DOCK10: variants seen among roughly 807,000 people sequenced by gnomAD.
The protein encoded by DOCK10 is dedicator of cytokinesis protein 10.
DOCK10 carries 145 observed loss-of-function variants against 280.1 expected under a neutral mutation model. The observed-to-expected ratio is 0.52, with a 90% CI of 0.45 to 0.59. The LOEUF is 0.59. Among genes scored for constraint, DOCK10 ranks in the 20% least tolerant of loss-of-function variants. DOCK10 has a pLI of 0.00. For synonymous variants in DOCK10, 915 were observed against 942.2 expected, an observed-to-expected ratio of 0.97 and a Z score of 0.53; for missense variants, 2,368 against 2,651.7, an observed-to-expected ratio of 0.89 and a Z score of 2.35.
chr2:224,841,989 GGATT>G lies in DOCK10; in HGVS notation c.2569-97_2569-94del, dbSNP rs1695996184. ...GTGATGTGAGGTAAGCATTTCTGTAGGATTGATGCCTCGAAGTGCAAATGCTTTA... is the reference window on the plus strand; with the variant it reads ...GTGATGTGAGGTAAGCATTTCTGTAGGATGCCTCGAAGTGCAAATGCTTTA... On this transcript the variant is annotated intron_variant, in intron 22 of 55. Coordinates refer to ENST00000258390, the MANE Select transcript of DOCK10 (RefSeq NM_014689.3). 1.1e-5 allele frequency: 10 copies of G among 889,440 alleles called. No homozygotes were observed. The South Asian group carries it at 1.5e-4, about 13-fold the overall frequency. 55.1% of individuals were successfully genotyped at this position (889,440 alleles called of 1,614,324 possible).
intron 1 of DOCK10, among the ~76,000 whole-genome samples, chr2:224,992,353 C>T (rs1467769760): frequency 2.0e-5 from 3 of 152,176 alleles, no homozygotes; most frequent in African/African-American, 7.2e-5. Context: ...TCTTTAAAGT[C>T]ATTTACAATG....
intron 27 of DOCK10, among the ~76,000 whole-genome samples, chr2:224,825,744 C>T (rs868514535): frequency 1.3e-5 from 2 of 152,078 alleles, no homozygotes; most frequent in African/African-American, 2.4e-5. Context: ...ACTGTTTTCC[C>T]GAAGTATATC....
chr2:224,855,883 A>T (rs996396200), intron 15 of DOCK10, among the ~76,000 whole-genome samples: 5 of 152,234 alleles, frequency 3.3e-5, no homozygotes, highest in African/African-American at 1.2e-4. Flanking sequence ...TTACCATTAA[A>T]GAAATTATAT....
At chr2:224,988,838 C>G (rs1030183749) in intron 1 of DOCK10, among the ~76,000 whole-genome samples, 1 of 152,142 alleles carries the variant, frequency 6.6e-6, no homozygotes, top group African/African-American at 2.4e-5. Context: ...GTGAAGTGTT[C>G]ACTGGCAGCA....
rs568977438 is a variant in DOCK10, at chr2:224,842,787, T to C, written c.2569-891A>G. Among the ~76,000 whole-genome samples, 3 of 152,330 alleles carry C rather than the reference T, an allele frequency of 2.0e-5. No homozygotes were observed. The South Asian group carries it at 6.2e-4, about 32-fold the overall frequency. On this transcript the variant is annotated intron_variant, in intron 22 of 55. Coordinates refer to ENST00000258390, the MANE Select transcript of DOCK10 (RefSeq NM_014689.3). ...GGGCAAGGAAGGCCCAACCCCTTCC[T>C]CTGTGTACCTTCCATTAAGGCGGGG...
intron 4 of DOCK10, among the ~76,000 whole-genome samples, chr2:224,894,441 T>A (rs1483538292): frequency 6.6e-6 from 1 of 152,202 alleles, no homozygotes; most frequent in African/African-American, 2.4e-5. Context: ...GCTGTCTCCA[T>A]CCTCTCAACT....
chr2:224,770,262 C>A lies in DOCK10; in HGVS notation c.6393G>T (p.Arg2131Ser), dbSNP rs772172610. 1.9e-6 allele frequency: 3 copies of A among 1,604,714 alleles called. No homozygotes were observed. The highest frequency in any genetic ancestry group is 1.7e-5 in the Admixed American group (1 of 58,726). ...EDQLEYQEEL[R>S]SHYKDMLSEL... The stretch of plus-strand genomic sequence containing the variant: ...CGCTGAGCATGTCCTTGTAGTGGGA[C>A]CTCAGTTCTTCCTGGTACTCCAGCT... Residue 2131 changes from arginine to serine, a missense_variant, in exon 55 of 56, where the codon AGG (arginine) becomes AGT (serine). This residue lies in a region of DOCK10 where 1,159 missense variants were observed against 1,400.8 expected (regional missense o/e 0.83). Transcript: ENST00000258390. This position sits in a 1 kb window ranked among gnomAD's most constrained non-coding sequence, Gnocchi z 4.5.
chr2:225,042,068 C>CGGTGGCGCTGCCTCGCTGA lies in DOCK10; in HGVS notation c.123+165_123+183dup, dbSNP rs1690446939. 6.6e-6 allele frequency among the ~76,000 whole-genome samples: 1 copy of CGGTGGCGCTGCCTCGCTGA among 152,212 alleles called. No individual in the cohort carries two copies. The highest frequency in any genetic ancestry group is 2.4e-5 in the African/African-American group (1 of 41,468). Reference sequence around the variant, plus strand: ...AAACGCGCCCCCGGTCCTTACGCGTCGGTGGCGCTGCCTCGCTGAGGTGGC... The same window carrying CGGTGGCGCTGCCTCGCTGA: ...AAACGCGCCCCCGGTCCTTACGCGTCGGTGGCGCTGCCTCGCTGAGGTGGCGCTGCCTCGCTGAGGTGGC... On this transcript the variant is annotated intron_variant, in intron 1 of 55. Coordinates refer to ENST00000258390, the MANE Select transcript of DOCK10 (RefSeq NM_014689.3). The surrounding 1 kb of genome is among the most constrained non-coding windows in gnomAD (Gnocchi z 5.1).
intron 22 of DOCK10, among the ~76,000 whole-genome samples, chr2:224,842,159 A>C (rs1356151604): frequency 1.3e-5 from 2 of 152,194 alleles, no homozygotes; most frequent in East Asian, 3.8e-4. Context: ...CAATGGCTGG[A>C]GAATTACTTC....
At chr2:224,992,504 G>A (rs1231205104) in intron 1 of DOCK10, among the ~76,000 whole-genome samples, 1 of 152,234 alleles carries the variant, frequency 6.6e-6, no homozygotes, top group African/African-American at 2.4e-5. Context: ...AAAGGAAACA[G>A]GGACAACCAA....
chr2:224,850,721 A>T (rs1325828376), intron 18 of DOCK10, among the ~76,000 whole-genome samples: 1 of 152,120 alleles, frequency 6.6e-6, no homozygotes, highest in East Asian at 1.9e-4. Context: ...TGCTGTTCTC[A>T]TGACAGTGAA....
At chr2:224,971,837 ACAC>A (rs1049902594) in intron 1 of DOCK10, among the ~76,000 whole-genome samples, 6 of 152,254 alleles carry the variant, frequency 3.9e-5, no homozygotes, top group African/African-American at 1.4e-4. Context: ...GTATAAATGT[ACAC>A]CACATTTTGA....
At chr2:225,036,785 C>T (rs954821633) in intron 1 of DOCK10, among the ~76,000 whole-genome samples, 2 of 152,114 alleles carry the variant, frequency 1.3e-5, no homozygotes, top group Admixed American at 6.5e-5. Flanking sequence ...ATGGTGTTTT[C>T]CTCTTTGACT....
intron 1 of DOCK10, among the ~76,000 whole-genome samples, chr2:225,020,322 T>C (rs577466441): frequency 7.3e-4 from 111 of 152,278 alleles, no homozygotes; most frequent in African/African-American, 2.5e-3. Context: ...ATATAGTCTA[T>C]AGAGCAGAAT....
At chr2:224,981,203 C>T (rs1705731232) in intron 1 of DOCK10, among the ~76,000 whole-genome samples, 1 of 152,080 alleles carries the variant, frequency 6.6e-6, no homozygotes, top group African/African-American at 2.4e-5. Flanking sequence ...GAAATAATCA[C>T]AGCCCCCTAG....
At chr2:224,917,101 C>CTTTTTTTTTTTTTTTTTTTT (rs58223345) in intron 2 of DOCK10, among the ~76,000 whole-genome samples, 13 of 95,778 alleles carry the variant, frequency 1.4e-4, no homozygotes, top group African/African-American at 5.0e-4. Flanking sequence ...CTATTGGAAT[C>CTTTTTTTTTTTTTTTTTTTT]TTTTTTTTTT....
At chr2:224,788,275 A>C (rs1342572364) in intron 48 of DOCK10, among the ~76,000 whole-genome samples, 1 of 152,030 alleles carries the variant, frequency 6.6e-6, no homozygotes, top group East Asian at 1.9e-4. Flanking sequence ...AATTCCTTTC[A>C]TATACTAGTG....
intron 1 of DOCK10, among the ~76,000 whole-genome samples, chr2:224,999,119 A>G (rs1186718160): frequency 6.6e-6 from 1 of 152,198 alleles, no homozygotes; most frequent in Non-Finnish European, 1.5e-5. Flanking sequence ...CCTAGGGGGC[A>G]GAGGTTGCAG....
chr2:224,956,011 T>A (rs1444056506), intron 1 of DOCK10, among the ~76,000 whole-genome samples: 1 of 152,192 alleles, frequency 6.6e-6, no homozygotes, highest in African/African-American at 2.4e-5. Flanking sequence ...ACAGTCCATG[T>A]GGGGAGATGA....
Sources: allele counts gnomAD v4.1 joint callset (sites outside exome capture counted in the v4.1 genomes callset), GRCh38; gene constraint gnomAD v4.1.1; regional missense constraint gnomAD v4.1.1; non-coding constraint Gnocchi (gnomAD v3.1); transcripts MANE v1.5; gene names NCBI Gene and HGNC (gene_info 2026-07-23, HGNC 2026-07-21).